Variants in SNTG1 observed in about 807,000 individuals in gnomAD.
SNTG1 encodes the protein syntrophin gamma 1, also known as gamma-1-syntrophin.
In SNTG1, 39 loss-of-function variants were observed where a neutral mutation model predicts 74.7. The observed-to-expected ratio is 0.52, with a 90% CI of 0.40 to 0.68. The LOEUF is 0.68. Among genes scored for constraint, SNTG1 ranks in the 30% least tolerant of loss-of-function variants. SNTG1 has a pLI of 0.00. For synonymous variants in SNTG1, 254 were observed against 217.1 expected, an observed-to-expected ratio of 1.17 and a Z score of -1.49; for missense variants, 685 against 609.5, an observed-to-expected ratio of 1.12 and a Z score of -1.30.
At chr8:50,730,437 T>G (rs2095510243) in intron 17 of SNTG1, among the ~76,000 whole-genome samples, 1 of 152,212 alleles carries the variant, frequency 6.6e-6, no homozygotes, top group South Asian at 2.1e-4. Context: ...CACACTATTT[T>G]GGCACTACTC....
intron 12 of SNTG1, among the ~76,000 whole-genome samples, chr8:50,556,332 G>A (rs1196363147): frequency 6.6e-6 from 1 of 152,092 alleles, no homozygotes; most frequent in African/African-American, 2.4e-5. Context: ...ATGCTGTTGT[G>A]GGGTGGGTGG....
At chr8:50,050,486 G>C (rs1400344765) in intron 1 of SNTG1, among the ~76,000 whole-genome samples, 1 of 152,040 alleles carries the variant, frequency 6.6e-6, no homozygotes, top group East Asian at 1.9e-4. Context: ...AAAGCACCAG[G>C]CTAGATGTGT....
intron 17 of SNTG1, among the ~76,000 whole-genome samples, chr8:50,709,385 T>TA (rs904931517): frequency 1.6e-4 from 25 of 152,058 alleles, no homozygotes; most frequent in East Asian, 3.9e-4. Context: ...GTTGTTTTTT[T>TA]AAAAAAAATT....
At chr8:50,670,933 G>A (rs1440348635) in intron 15 of SNTG1, among the ~76,000 whole-genome samples, 1 of 151,670 alleles carries the variant, frequency 6.6e-6, no homozygotes, top group Non-Finnish European at 1.5e-5. Context: ...AGAAAAACAA[G>A]CAATGGGGAA....
intron 15 of SNTG1, among the ~76,000 whole-genome samples, chr8:50,667,152 CATT>C (rs2095254667): frequency 6.6e-6 from 1 of 151,858 alleles, no homozygotes; most frequent in Non-Finnish European, 1.5e-5. Flanking sequence ...ATATCGATAT[CATT>C]ATTAGGCAAA....
rs538086355 is a variant in SNTG1, at chr8:50,118,880, G to C, written c.-102-53681G>C. On this transcript the variant is annotated intron_variant, in intron 1 of 18. Transcript: ENST00000642720. ...TTAAATTAAAAGACTTGGAGGTAGA[G>C]TAATGGGATCTAGAACTTCTTTGTA... Among the ~76,000 whole-genome samples the C allele has an allele frequency of 8.2e-4, 116 of 141,648 alleles. 12 individuals are homozygous for C. The highest frequency in any genetic ancestry group is 2.4e-3 in the African/African-American group (95 of 39,264). 92.9% of individuals were successfully genotyped at this position (141,648 alleles called of 152,430 possible).
At chr8:50,753,119 C>T (rs574885652) in intron 18 of SNTG1, among the ~76,000 whole-genome samples, 1 of 151,946 alleles carries the variant, frequency 6.6e-6, no homozygotes, top group Non-Finnish European at 1.5e-5. Flanking sequence ...TTCTTCCACT[C>T]CCTTTATTTT....
At chr8:50,595,276 G>A (rs1265608800) in intron 13 of SNTG1, among the ~76,000 whole-genome samples, 1 of 151,704 alleles carries the variant, frequency 6.6e-6, no homozygotes, top group Non-Finnish European at 1.5e-5. Flanking sequence ...AAAATATGCT[G>A]GCACTTTATG....
chr8:50,637,403 A>T (rs2095046028), intron 13 of SNTG1, among the ~76,000 whole-genome samples: 1 of 152,058 alleles, frequency 6.6e-6, no homozygotes, highest in Non-Finnish European at 1.5e-5. Flanking sequence ...TCTTGCTATT[A>T]TTTCTGTATG....
intron 1 of SNTG1, among the ~76,000 whole-genome samples, chr8:50,044,225 A>C (rs1000124743): frequency 2.6e-5 from 4 of 152,230 alleles, no homozygotes; most frequent in East Asian, 1.9e-4. Flanking sequence ...ATATTTTACC[A>C]GTAAGTTAAG....
chr8:50,416,382 A>T (rs1307468378), intron 4 of SNTG1, among the ~76,000 whole-genome samples: 1 of 152,202 alleles, frequency 6.6e-6, no homozygotes, highest in Non-Finnish European at 1.5e-5. Context: ...GTGGGCTTGG[A>T]TCCACATAGC....
At chr8:50,631,882 C>G (rs1486679659) in intron 13 of SNTG1, among the ~76,000 whole-genome samples, 1 of 152,148 alleles carries the variant, frequency 6.6e-6, no homozygotes, top group Non-Finnish European at 1.5e-5. Context: ...GCTGGAATAC[C>G]CTTCTTACCC....
intron 1 of SNTG1, among the ~76,000 whole-genome samples, chr8:50,031,725 T>C (rs918474080): frequency 6.6e-6 from 1 of 152,116 alleles, no homozygotes; most frequent in South Asian, 2.1e-4. Flanking sequence ...GTAAATCCTT[T>C]ACATTAATAT....
intron 12 of SNTG1, among the ~76,000 whole-genome samples, chr8:50,573,886 G>A (rs973717486): frequency 1.3e-5 from 2 of 151,534 alleles, no homozygotes; most frequent in African/African-American, 4.8e-5. Context: ...TAAATGTAAG[G>A]TTTCATTAAT....
chr8:50,684,105 A>G (rs1266770976), intron 15 of SNTG1, among the ~76,000 whole-genome samples: 3 of 152,168 alleles, frequency 2.0e-5, no homozygotes, highest in Admixed American at 2.0e-4. Context: ...TATTTTTTGG[A>G]GGCAGGGCCA....
At chr8:50,006,015 A>T (rs1815194835) in intron 1 of SNTG1, among the ~76,000 whole-genome samples, 1 of 118,296 alleles carries the variant, frequency 8.5e-6, no homozygotes, top group Non-Finnish European at 1.6e-5. Flanking sequence ...GCCAAGCTGG[A>T]GTGCAGTGGC....
intron 4 of SNTG1, among the ~76,000 whole-genome samples, chr8:50,408,479 G>A (rs1293503296): frequency 6.6e-6 from 1 of 152,104 alleles, no homozygotes; most frequent in East Asian, 1.9e-4. Flanking sequence ...CTCAGGGATG[G>A]CAGTGGGACA....
intron 1 of SNTG1, among the ~76,000 whole-genome samples, chr8:50,061,908 T>A (rs1231914697): frequency 1.3e-5 from 2 of 152,222 alleles, no homozygotes; most frequent in Non-Finnish European, 2.9e-5. Context: ...GCTTCTTGTC[T>A]ATTTTTTTAA....
chr8:50,048,769 G>T (rs995330656), intron 1 of SNTG1, among the ~76,000 whole-genome samples: 1 of 151,766 alleles, frequency 6.6e-6, no homozygotes, highest in African/African-American at 2.4e-5. Flanking sequence ...TAATATTTTG[G>T]CTGATTTCTT....
Sources: gnomAD v4.1 joint callset for allele counts (sites outside exome capture counted in the v4.1 genomes callset) on GRCh38, gnomAD v4.1.1 for gene constraint, MANE v1.5 for transcripts, NCBI Gene and HGNC (gene_info 2026-07-23, HGNC 2026-07-21) for gene names.